KCNAB1: variants seen among roughly 807,000 people sequenced by gnomAD.
The protein encoded by KCNAB1 is potassium voltage-gated channel subfamily A regulatory beta subunit 1.
KCNAB1 carries 35 observed loss-of-function variants against 64.6 expected under a neutral mutation model. The ratio of observed to expected loss-of-function variants is 0.54; its 90% confidence interval spans 0.41 to 0.72. KCNAB1 has a LOEUF of 0.72. Ranked by LOEUF, KCNAB1 falls within the 30% of genes least tolerant of loss-of-function variation. The pLI is 0.00. For synonymous variants in KCNAB1, 177 were observed against 183.8 expected (o/e 0.96, Z 0.30); for missense variants, 401 against 512.9 (o/e 0.78, Z 2.11).
chr3:156,322,292 C>T lies in KCNAB1; in HGVS notation c.276-99324C>T, dbSNP rs534449697. The stretch of plus-strand genomic sequence containing the variant: ...ATCAAATTTGAATATGTTAAATGAA[C>T]GTTTGATGTGACTGAACTCAAAATA... On this transcript the variant is annotated intron_variant, in intron 1 of 13. Transcript: ENST00000490337. 3.7e-4 allele frequency among the ~76,000 whole-genome samples: 56 copies of T among 152,240 alleles called. No individual in the cohort carries two copies. In the South Asian group the frequency reaches 8.7e-3, roughly 24 times the overall value.
intron 1 of KCNAB1, among the ~76,000 whole-genome samples, chr3:156,146,063 T>C (rs1186988974): frequency 6.6e-6 from 1 of 152,202 alleles, no homozygotes; most frequent in East Asian, 1.9e-4. Context: ...TACCAGCTGC[T>C]TGGGTCCCTC....
chr3:156,349,004 T>G (rs1158939948), intron 1 of KCNAB1, among the ~76,000 whole-genome samples: 1 of 152,192 alleles, frequency 6.6e-6, no homozygotes, highest in African/African-American at 2.4e-5. Flanking sequence ...AAGAACGTTA[T>G]AAGAAATCAC....
Position 156,218,786 on chromosome 3 carries a change from C to CAAA in KCNAB1, c.275+97915_275+97917dup, listed in dbSNP as rs1228783831. ...TGCAGGGTGGCTAGACCCAGAACAG[C>CAAA]AAAAAAAAAAAAAAAAATAATAATA... On this transcript the variant is annotated intron_variant, in intron 1 of 13. Transcript: ENST00000490337. 4.3e-4 allele frequency among the ~76,000 whole-genome samples: 40 copies of CAAA among 92,564 alleles called. No homozygotes were observed. The South Asian group carries it at 7.0e-3, about 16-fold the overall frequency. 60.7% of individuals were successfully genotyped at this position (92,564 alleles called of 152,430 possible).
intron 7 of KCNAB1, among the ~76,000 whole-genome samples, chr3:156,473,641 A>G (rs557377818): frequency 3.3e-4 from 50 of 152,226 alleles, no homozygotes; most frequent in Non-Finnish European, 6.2e-4. Flanking sequence ...ATATTTCCAG[A>G]ACAATATTCA....
intron 1 of KCNAB1, among the ~76,000 whole-genome samples, chr3:156,373,327 A>T (rs1726444213): frequency 6.6e-6 from 1 of 152,206 alleles, no homozygotes; most frequent in African/African-American, 2.4e-5. Context: ...GGGTATATGA[A>T]ATCTAGACAG....
In KCNAB1 at chr3:156,474,956, C is replaced by T. The variant is rs1227386778; in HGVS notation, c.658+136C>T. The T allele has an allele frequency of 1.4e-5, 10 of 690,816 alleles. No individual in the cohort carries two copies. The South Asian group carries it at 1.6e-4, about 11-fold the overall frequency. The allele number at this position is 690,816 out of a possible 1,614,324, so 42.8% of individuals were successfully genotyped here. A position where few individuals can be genotyped will look rare whatever the true frequency, so the allele number is the denominator to read the frequency against. On this transcript the variant is annotated intron_variant, in intron 8 of 13. Coordinates refer to ENST00000490337, the MANE Select transcript of KCNAB1 (RefSeq NM_172160.3). ...AAAATAAAAATGTTTCTGACTGATG[C>T]CTTTTGGCCTCAGCGTTTAACCCCA...
intron 1 of KCNAB1, among the ~76,000 whole-genome samples, chr3:156,225,925 T>C (rs1214092759): frequency 6.6e-6 from 1 of 152,040 alleles, no homozygotes; most frequent in Non-Finnish European, 1.5e-5. Context: ...AAAGAAAACA[T>C]AGATGACATA....
intron 12 of KCNAB1, among the ~76,000 whole-genome samples, chr3:156,525,204 A>G (rs1435836252): frequency 6.6e-6 from 1 of 152,084 alleles, no homozygotes; most frequent in Non-Finnish European, 1.5e-5. Flanking sequence ...TTCAGGAGGT[A>G]TTCCCCAAAG....
intron 1 of KCNAB1, among the ~76,000 whole-genome samples, chr3:156,362,184 G>A (rs1293387380): frequency 2.6e-5 from 4 of 152,082 alleles, no homozygotes; most frequent in African/African-American, 4.8e-5. Context: ...ACAGTGAAAG[G>A]ATTATGGCTG....
intron 12 of KCNAB1, 85 bp downstream of exon 12, chr3:156,524,032 A>G (rs1290736557): frequency 1.6e-6 from 2 of 1,283,000 alleles, no homozygotes; most frequent in Non-Finnish European, 2.1e-6. Context: ...CCTTACCATG[A>G]TAAAATGTCT....
At chr3:156,242,902 TTTTTATTTTA>T (rs1223697285) in intron 1 of KCNAB1, among the ~76,000 whole-genome samples, 5 of 151,720 alleles carry the variant, frequency 3.3e-5, no homozygotes, top group Non-Finnish European at 7.4e-5. Flanking sequence ...TATTATTTAT[TTTTTATTTTA>T]TTTTATTTTA....
intron 7 of KCNAB1, among the ~76,000 whole-genome samples, chr3:156,467,680 A>AT (rs1713522268): frequency 1.3e-5 from 2 of 152,132 alleles, no homozygotes; most frequent in South Asian, 2.1e-4. Context: ...CTAAGCCTTG[A>AT]TTTTTTTCTT....
rs995392471 is a variant in KCNAB1, at chr3:156,165,005, C to T, written c.275+44119C>T. 6.6e-5 allele frequency among the ~76,000 whole-genome samples: 10 copies of T among 152,218 alleles called. No homozygotes were observed. The East Asian group carries it at 1.7e-3, about 26-fold the overall frequency. ...CTAATGAAAGCAAATAGGCCGGGCG[C>T]GGTGGCTCAACGCCTGTAATCCCAG... On this transcript the variant is annotated intron_variant, in intron 1 of 13. Transcript: ENST00000490337.
chr3:156,402,053 G>C (rs1277186467), intron 1 of KCNAB1, among the ~76,000 whole-genome samples: 1 of 151,818 alleles, frequency 6.6e-6, no homozygotes, highest in African/African-American at 2.4e-5. Context: ...TAATGTAAAT[G>C]ATGAGTTGGT....
chr3:156,230,060 G>A (rs1263957762), intron 1 of KCNAB1, among the ~76,000 whole-genome samples: 2 of 152,070 alleles, frequency 1.3e-5, no homozygotes, highest in African/African-American at 4.8e-5. Context: ...ATATAAGCTT[G>A]ACATCCAAAG....
intron 1 of KCNAB1, among the ~76,000 whole-genome samples, chr3:156,411,304 C>T (rs1714646138): frequency 6.6e-6 from 1 of 152,062 alleles, no homozygotes; most frequent in Admixed American, 6.5e-5. Context: ...TTTCTTTCAG[C>T]ATGTAACATG....
intron 8 of KCNAB1, among the ~76,000 whole-genome samples, chr3:156,511,537 A>G (rs900652245): frequency 5.3e-5 from 8 of 152,188 alleles, no homozygotes; most frequent in African/African-American, 1.9e-4. Flanking sequence ...TCTGGGAAAC[A>G]GCTTTAATTC....
At chr3:156,388,972 G>A (rs1385224208) in intron 1 of KCNAB1, among the ~76,000 whole-genome samples, 1 of 152,202 alleles carries the variant, frequency 6.6e-6, no homozygotes, top group Non-Finnish European at 1.5e-5. Flanking sequence ...GAGAGACTGG[G>A]CTGTGATGGT....
intron 1 of KCNAB1, among the ~76,000 whole-genome samples, chr3:156,213,325 T>C (rs1265430736): frequency 6.6e-6 from 1 of 151,958 alleles, no homozygotes; most frequent in African/African-American, 2.4e-5. Context: ...CTCAAGCAAT[T>C]CTCTCCCTCA....
Sources: gnomAD v4.1 joint callset for allele counts (sites outside exome capture counted in the v4.1 genomes callset) on GRCh38, gnomAD v4.1.1 for gene constraint, MANE v1.5 for transcripts, NCBI Gene and HGNC (gene_info 2026-07-23, HGNC 2026-07-21) for gene names.